Variants in ICE2 observed in about 807,000 individuals in gnomAD.
ICE2 encodes the protein interactor of little elongation complex ELL subunit 2, also known as little elongation complex subunit 2.
In ICE2, 87 loss-of-function variants were observed where a neutral mutation model predicts 105.4. The observed-to-expected ratio is 0.83, with a 90% CI of 0.69 to 0.99. The LOEUF (loss-of-function observed/expected upper bound fraction) is 0.99, where lower values mean the gene tolerates loss of function less well. Among genes scored for constraint, ICE2 ranks in the 50% least tolerant of loss-of-function variants. ICE2 has a pLI of 0.00. For synonymous variants in ICE2, 399 were observed against 392.0 expected (o/e 1.02, Z -0.21); for missense variants, 1,323 against 1,146.7 (o/e 1.15, Z -2.22).
intron 13 of ICE2, among the ~76,000 whole-genome samples, chr15:60,433,231 G>A (rs1300233174): frequency 6.6e-6 from 1 of 151,734 alleles, no homozygotes; most frequent in East Asian, 2.0e-4. Context: ...GGGACTACAG[G>A]TGCCCGCCAC....
At chr15:60,473,534 C>G (rs898745354) in intron 3 of ICE2, among the ~76,000 whole-genome samples, 1 of 152,100 alleles carries the variant, frequency 6.6e-6, no homozygotes, top group African/African-American at 2.4e-5. Flanking sequence ...CTCAAGTGAT[C>G]CAGCTGCTCT....
intron 2 of ICE2, 77 bp downstream of exon 2, chr15:60,477,860 A>T (rs1328979100): frequency 3.1e-6 from 4 of 1,272,704 alleles, no homozygotes; most frequent in Non-Finnish European, 4.6e-6. Flanking sequence ...TCTCTATGCC[A>T]GAAATCTATT....
Position 60,449,837 on chromosome 15 carries a change from G to T in ICE2, c.1130C>A (p.Ser377Tyr). Residue 377 changes from serine to tyrosine, a missense_variant, in exon 10 of 16, where the codon TCC becomes TAC. Physicochemically the swap from Ser to Tyr is moderately radical, Grantham distance 144. Transcript: ENST00000261520. ...PEEFISEMDM[S>Y]CEVNECRKIE... ...TTTTCGGCACTCGTTGACTTCACAG[G>T]ACATCTTATGTAAATAAATTGGTAA... 6.2e-7 allele frequency: 1 copy of T among 1,603,804 alleles called. No individual in the cohort carries two copies.
At chr15:60,459,812 C>T (rs2064224173) in intron 5 of ICE2, among the ~76,000 whole-genome samples, 1 of 151,756 alleles carries the variant, frequency 6.6e-6, no homozygotes, top group Admixed American at 6.6e-5. Flanking sequence ...ACTAAGAGAA[C>T]AGAAAGTCGA....
At chr15:60,443,424 T>C (rs1057398466) in intron 11 of ICE2, among the ~76,000 whole-genome samples, 5 of 152,254 alleles carry the variant, frequency 3.3e-5, no homozygotes, top group Admixed American at 6.5e-5. Flanking sequence ...TCTTGATTTT[T>C]ACAAAGTGGC....
At chr15:60,446,124 G>A (rs2141049684) in intron 11 of ICE2, among the ~76,000 whole-genome samples, 1 of 152,260 alleles carries the variant, frequency 6.6e-6, no homozygotes, top group Middle Eastern at 3.4e-3. Flanking sequence ...AAACCAAACA[G>A]TTTTCAATTA....
At chr15:60,428,305 A>G (rs2063380711) in intron 15 of ICE2, 124 bp downstream of exon 15, 2 of 1,079,430 alleles carry the variant, frequency 1.9e-6, no homozygotes, top group South Asian at 1.6e-5. Flanking sequence ...CTATGGATAT[A>G]GCTTTTAGAA....
chr15:60,449,930 C>G (rs2063921733), intron 9 of ICE2, 89 bp from the exon 10 acceptor site: 2 of 932,298 alleles, frequency 2.1e-6, no homozygotes, highest in Admixed American at 4.7e-5. Flanking sequence ...ATACATACTT[C>G]CTGCTCTTTT....
In ICE2 at chr15:60,476,171, T is replaced by C. The variant is rs1414359972; in HGVS notation, c.42-4A>G. On this transcript the variant is annotated splice_region_variant and splice_polypyrimidine_tract_variant and intron_variant, in intron 2 of 15. Transcript: ENST00000261520. The stretch of plus-strand genomic sequence containing the variant: ...GCCATTTTTGGGGGAAATATCCCTG[T>C]GAAACAAAGTAATTTACTTACATTT... 6.5e-6 allele frequency: 10 copies of C among 1,547,686 alleles called. No individual in the cohort carries two copies. Among genetic ancestry groups the C allele is most frequent in the Non-Finnish European group, 8.9e-6 (10 of 1,129,666 alleles).
intron 3 of ICE2, among the ~76,000 whole-genome samples, chr15:60,470,447 T>A (rs1177438278): frequency 2.0e-5 from 3 of 152,108 alleles, no homozygotes; most frequent in African/African-American, 7.2e-5. Context: ...ATTTGGATTG[T>A]CACAAAAGGG....
Position 60,428,610 on chromosome 15 carries a change from T to C in ICE2, c.2639A>G (p.Lys880Arg), listed in dbSNP as rs775711377. 1 of 1,613,978 alleles carries C rather than the reference T, an allele frequency of 6.2e-7. No homozygotes were observed. The highest frequency in any genetic ancestry group is 8.5e-7 in the Non-Finnish European group (1 of 1,180,006). The change falls in exon 15 of 16, where the codon AAA becomes AGA. Residue 880 changes from lysine to arginine, a missense_variant. Lys to Arg is a conservative substitution (Grantham distance 26). Transcript: ENST00000261520. ...SLLIYKASDG[K>R]VTRTAYNLYK... ...CAAATTGTATGCTGTCCTAGTAACT[T>C]TTCCATCAGAGGCCTTATAAATCAG...
intron 3 of ICE2, among the ~76,000 whole-genome samples, chr15:60,469,956 A>G (rs1178778978): frequency 6.6e-6 from 1 of 152,226 alleles, no homozygotes; most frequent in Non-Finnish European, 1.5e-5. Flanking sequence ...ATCAAAAACT[A>G]TACTTCTTGG....
At chr15:60,447,181 CAGTCCTGAAAAGACCTT>C (rs1404545408) in intron 11 of ICE2, among the ~76,000 whole-genome samples, 2 of 152,080 alleles carry the variant, frequency 1.3e-5, no homozygotes, top group Non-Finnish European at 2.9e-5. Context: ...GGTCTTCTAA[CAGTCCTGAAAAGACCTT>C]ACATATGTGT....
intron 6 of ICE2, 75 bp downstream of exon 6, chr15:60,456,582 T>TACACAC (rs1328956504): frequency 0.029 from 3,683 of 128,334 alleles, 217 homozygotes; most frequent in Non-Finnish European, 0.045. Context: ...TATATATATA[T>TACACAC]ATACACACAC....
intron 12 of ICE2, chr15:60,442,193 T>A: frequency 2.6e-6 from 1 of 382,738 alleles, no homozygotes; most frequent in Admixed American, 4.9e-5. Context: ...CTTGGAAGGC[T>A]GCAGTGGGAG....
At chr15:60,469,381 A>C (rs2064520963) in intron 3 of ICE2, among the ~76,000 whole-genome samples, 1 of 152,164 alleles carries the variant, frequency 6.6e-6, no homozygotes, top group Non-Finnish European at 1.5e-5. Flanking sequence ...AAGTACAACA[A>C]ACAACCATGG....
intron 8 of ICE2, 48 bp downstream of exon 8, chr15:60,454,955 C>T (rs1595788622): frequency 6.8e-7 from 1 of 1,480,534 alleles, no homozygotes; most frequent in South Asian, 1.4e-5. Context: ...AACATGCAGT[C>T]CAACTTCTCT....
chr15:60,429,416 A>G (rs1266559543), intron 14 of ICE2, among the ~76,000 whole-genome samples: 1 of 152,224 alleles, frequency 6.6e-6, no homozygotes, highest in Non-Finnish European at 1.5e-5. Flanking sequence ...CACAGGCCAT[A>G]CCCTTAATCA....
At chr15:60,478,863 T>C in intron 1 of ICE2, 140 bp downstream of exon 1, 1 of 430,740 alleles carries the variant, frequency 2.3e-6, no homozygotes, top group Non-Finnish European at 4.7e-6. Context: ...AAAGCAGGGG[T>C]AGGAGCCGCG....
Sources: allele counts gnomAD v4.1 joint callset (sites outside exome capture counted in the v4.1 genomes callset), GRCh38; gene constraint gnomAD v4.1.1; transcripts MANE v1.5; gene names NCBI Gene and HGNC (gene_info 2026-07-23, HGNC 2026-07-21).